PRH1: variants seen among roughly 807,000 people sequenced by gnomAD.
PRH1 encodes salivary acidic proline-rich phosphoprotein 1/2.
A neutral mutation model predicts 7.9 loss-of-function variants in PRH1; 7 were observed. That is an observed-to-expected ratio of 0.89 (90% CI 0.50 to 1.67). PRH1 has a LOEUF of 1.67. Among genes scored for constraint, PRH1 ranks in the 40% most tolerant of loss-of-function variants. The pLI is 0.00. For missense variants in PRH1, 109 were observed against 223.6 expected (o/e 0.49, Z 3.27); for synonymous variants, 45 against 80.8 (o/e 0.56, Z 2.38).
intron 1 of PRH1, among the ~76,000 whole-genome samples, chr12:11,127,446 G>C (rs886229066): frequency 1.3e-5 from 2 of 152,290 alleles, no homozygotes; most frequent in African/African-American, 4.8e-5. Context: ...GACCACTGTT[G>C]AATCATTTTT....
At chr12:10,932,778 T>G in intron 2 of PRH1, among the ~76,000 whole-genome samples, 1 of 152,130 alleles carries the variant, frequency 6.6e-6, no homozygotes, top group East Asian at 1.9e-4. Flanking sequence ...AAAACCTGAA[T>G]GGATTTCATC....
chr12:10,959,733 G>T (rs1249106637), intron 2 of PRH1, among the ~76,000 whole-genome samples: 1 of 152,038 alleles, frequency 6.6e-6, no homozygotes, highest in Non-Finnish European at 1.5e-5. Flanking sequence ...ATATTAAAAT[G>T]ATATATATGA....
intron 1 of PRH1, among the ~76,000 whole-genome samples, chr12:11,036,507 A>T (rs1164306749): frequency 6.6e-6 from 1 of 152,228 alleles, no homozygotes; most frequent in Non-Finnish European, 1.5e-5. Flanking sequence ...TTTAGAAATA[A>T]AAGCGTGCTC....
At chr12:11,164,148 C>T (rs1270292666) in intron 1 of PRH1, among the ~76,000 whole-genome samples, 1 of 152,130 alleles carries the variant, frequency 6.6e-6, no homozygotes, top group Non-Finnish European at 1.5e-5. Context: ...TTTCTGGGTG[C>T]CTCTGTAAAG....
At chr12:11,115,994 AAAC>A (rs1326713234), downstream of PRH1, among the ~76,000 whole-genome samples, 3 of 152,064 alleles carry the variant, frequency 2.0e-5, no homozygotes, top group African/African-American at 7.2e-5. Flanking sequence ...ATAACTGAAA[AAAC>A]AAGAGTAACC....
chr12:11,004,136 C>T (rs941310661), intron 1 of PRH1, among the ~76,000 whole-genome samples: 3 of 151,956 alleles, frequency 2.0e-5, no homozygotes, highest in African/African-American at 7.3e-5. Flanking sequence ...ATGAAAATTC[C>T]CACTGCTTCA....
intron 2 of PRH1, chr12:10,908,620 G>C: frequency 6.2e-7 from 1 of 1,614,000 alleles, no homozygotes; most frequent in Admixed American, 1.7e-5. Context: ...GCATTTGTAT[G>C]GACCTTGGTC....
At chr12:11,046,013 T>C (rs1281570199) in intron 1 of PRH1, among the ~76,000 whole-genome samples, 3 of 152,204 alleles carry the variant, frequency 2.0e-5, no homozygotes, top group Non-Finnish European at 2.9e-5. Context: ...TATATGACTA[T>C]AGAAAGTTGT....
At chr12:11,139,515 T>A (rs1946647585) in intron 1 of PRH1, among the ~76,000 whole-genome samples, 1 of 152,252 alleles carries the variant, frequency 6.6e-6, no homozygotes, top group Non-Finnish European at 1.5e-5. Flanking sequence ...TATTTTTCCA[T>A]CTTGATAATT....
chr12:11,149,053 G>A (rs1185932023), intron 1 of PRH1, among the ~76,000 whole-genome samples: 3 of 151,374 alleles, frequency 2.0e-5, no homozygotes, highest in Admixed American at 6.6e-5. Flanking sequence ...ATTTCTTCTA[G>A]ATTTTCTAGT....
At chr12:10,986,912 A>G (rs914200122) in intron 1 of PRH1, 5 of 1,288,834 alleles carry the variant, frequency 3.9e-6, no homozygotes, top group African/African-American at 3.0e-5. Context: ...ACTGGTTGTG[A>G]TTTCTTTAAT....
intron 1 of PRH1, among the ~76,000 whole-genome samples, chr12:11,036,280 A>C (rs1436290593): frequency 1.3e-5 from 2 of 152,272 alleles, no homozygotes; most frequent in Non-Finnish European, 1.5e-5. Flanking sequence ...TTACGAGTTT[A>C]TCAAAAAATG....
intron 1 of PRH1, among the ~76,000 whole-genome samples, chr12:11,024,264 A>G (rs1036770222): frequency 1.3e-5 from 2 of 152,250 alleles, no homozygotes; most frequent in Non-Finnish European, 2.9e-5. Context: ...GCACACTTAG[A>G]AATGAACCAA....
At chr12:11,067,995 G>A (rs2136197930) in intron 1 of PRH1, among the ~76,000 whole-genome samples, 1 of 151,712 alleles carries the variant, frequency 6.6e-6, no homozygotes, top group East Asian at 1.9e-4. Flanking sequence ...AATTTTATAT[G>A]TAGGAATGTA....
intron 1 of PRH1, among the ~76,000 whole-genome samples, chr12:11,081,246 C>T (rs911849756): frequency 1.4e-5 from 2 of 141,682 alleles, no homozygotes; most frequent in African/African-American, 5.1e-5. Flanking sequence ...TCTTCTACTG[C>T]ATCTAACTGG....
At chr12:11,053,038 A>G (rs1409143837) in intron 1 of PRH1, among the ~76,000 whole-genome samples, 2 of 152,302 alleles carry the variant, frequency 1.3e-5, no homozygotes, top group African/African-American at 2.4e-5. Flanking sequence ...TTTACCTTCA[A>G]TTTGAAAGAA....
intron 2 of PRH1, among the ~76,000 whole-genome samples, chr12:10,912,019 C>T (rs1346599287): frequency 6.6e-6 from 1 of 152,140 alleles, no homozygotes; most frequent in African/African-American, 2.4e-5. Flanking sequence ...TTGGATTGCA[C>T]ATGAATGGAA....
In PRH1 at chr12:10,909,259, T is replaced by C. The variant is rs888217569; in HGVS notation, c.-58-24984A>G. 4.3e-6 allele frequency: 7 copies of C among 1,613,594 alleles called. No homozygotes were observed. In the African/African-American group the frequency reaches 9.3e-5, roughly 22 times the overall value. On this transcript the variant is annotated intron_variant, in intron 2 of 3. Coordinates refer to the PRH1 transcript ENST00000539853. Reference sequence around the variant, plus strand: ...AAATTCCCAATTATGAATTCTGCAATTATTACAAGAGTGAAGATACTCGGC... The same window carrying C: ...AAATTCCCAATTATGAATTCTGCAACTATTACAAGAGTGAAGATACTCGGC...
intron 1 of PRH1, among the ~76,000 whole-genome samples, chr12:11,045,873 A>G (rs1237636625): frequency 7.0e-6 from 1 of 142,980 alleles, no homozygotes; most frequent in Non-Finnish European, 1.6e-5. Context: ...AAATGTGGTC[A>G]CCAATCAAAG....
Sources: gnomAD v4.1 joint callset for allele counts (sites outside exome capture counted in the v4.1 genomes callset) on GRCh38, gnomAD v4.1.1 for gene constraint, MANE v1.5 for transcripts, NCBI Gene and HGNC (gene_info 2026-07-23, HGNC 2026-07-21) for gene names.